PREX2: variants seen among roughly 807,000 people sequenced by gnomAD.
PREX2 encodes the protein phosphatidylinositol-3,4,5-trisphosphate dependent Rac exchange factor 2.
A neutral mutation model predicts 203.2 loss-of-function variants in PREX2; 107 were observed. The observed-to-expected ratio is 0.53, with a 90% CI of 0.45 to 0.62. The LOEUF (loss-of-function observed/expected upper bound fraction) is 0.62, where lower values mean the gene tolerates loss of function less well. PREX2 is among the 20% of genes least tolerant of loss of function. PREX2 has a pLI of 0.00. For synonymous variants in PREX2, 672 were observed against 663.6 expected, an observed-to-expected ratio of 1.01 and a Z score of -0.19; for missense variants, 1,777 against 1,955.9, an observed-to-expected ratio of 0.91 and a Z score of 1.72.
chr8:67,967,548 T>C (rs796555032), intron 1 of PREX2, among the ~76,000 whole-genome samples: 1 of 152,120 alleles, frequency 6.6e-6, no homozygotes, highest in South Asian at 2.1e-4. Context: ...CGCTGTGCAG[T>C]TGGGGCACCA....
intron 35 of PREX2, among the ~76,000 whole-genome samples, chr8:68,182,838 A>G (rs547552340): frequency 5.9e-4 from 90 of 151,854 alleles, no homozygotes; most frequent in Non-Finnish European, 1.1e-3. Context: ...AGTATAATAG[A>G]GCTGGATAAA....
chr8:68,130,105 C>T (rs551756169), intron 31 of PREX2, among the ~76,000 whole-genome samples: 1 of 135,502 alleles, frequency 7.4e-6, no homozygotes, highest in African/African-American at 2.8e-5. Flanking sequence ...TAGTGAGGCC[C>T]TGCCTCTGCA....
intron 34 of PREX2, among the ~76,000 whole-genome samples, chr8:68,153,931 T>A (rs896159093): frequency 3.3e-5 from 5 of 152,258 alleles, no homozygotes; most frequent in African/African-American, 1.2e-4. Context: ...ATTTATGAGA[T>A]TGTAGAAGTA....
In PREX2 at chr8:68,069,832, T is replaced by C. The variant is rs1809142443; in HGVS notation, c.1444-3T>C. On this transcript the variant is annotated splice_region_variant and splice_polypyrimidine_tract_variant and intron_variant, in intron 12 of 39. Coordinates refer to ENST00000288368, the MANE Select transcript of PREX2 (RefSeq NM_024870.4). ...GTTTTTGATATATCTCTATTTTACG[T>C]AGGGTGTAAGATTATATTGTCGTCT... is the stretch of plus-strand genomic sequence containing the variant. 4.7e-6 allele frequency: 7 copies of C among 1,484,406 alleles called. No homozygotes were observed. The highest frequency in any genetic ancestry group is 6.5e-6 in the Non-Finnish European group (7 of 1,079,204). 92.0% of individuals were successfully genotyped at this position (1,484,406 alleles called of 1,614,324 possible). A position where few individuals can be genotyped will look rare whatever the true frequency, so the allele number is the denominator to read the frequency against.
intron 14 of PREX2, among the ~76,000 whole-genome samples, chr8:68,074,835 T>C (rs1809299323): frequency 6.6e-6 from 1 of 152,180 alleles, no homozygotes; most frequent in Non-Finnish European, 1.5e-5. Flanking sequence ...TTGGAGTATA[T>C]TCTAGAGCCT....
chr8:68,146,957 C>T (rs1811340025), intron 34 of PREX2, among the ~76,000 whole-genome samples: 1 of 151,968 alleles, frequency 6.6e-6, no homozygotes. Context: ...TTGTAGTGAG[C>T]TCTGTTTCTG....
At chr8:68,227,423 A>G (rs1813075577) in intron 39 of PREX2, among the ~76,000 whole-genome samples, 2 of 152,030 alleles carry the variant, frequency 1.3e-5, no homozygotes, top group Admixed American at 1.3e-4. Flanking sequence ...CAGGGAGGAG[A>G]TGGGGAGCTC....
chr8:68,212,323 CTGA>C (rs1812756061), intron 37 of PREX2, among the ~76,000 whole-genome samples: 1 of 152,184 alleles, frequency 6.6e-6, no homozygotes, highest in South Asian at 2.1e-4. Flanking sequence ...TCATTCCCAC[CTGA>C]TATTATTCAT....
intron 37 of PREX2, among the ~76,000 whole-genome samples, chr8:68,208,077 AC>A (rs1812670250): frequency 6.6e-6 from 1 of 152,152 alleles, no homozygotes; most frequent in East Asian, 1.9e-4. Flanking sequence ...TAAAAAGGTC[AC>A]CTTCACTATG....
chr8:67,975,993 G>A (rs1453373857), intron 1 of PREX2, among the ~76,000 whole-genome samples: 2 of 151,766 alleles, frequency 1.3e-5, no homozygotes, highest in Admixed American at 1.3e-4. Flanking sequence ...TGGGATTACA[G>A]GCGTGAGTCA....
chr8:68,134,108 G>A lies in PREX2; in HGVS notation c.3816G>A (p.Val1272=), dbSNP rs1276357190. ...ACATGGTTTTCTGCCAGACTCTTGT[G>A]GCCACTGTCTGTGCCTTCTCTGAGC... ...RRDMVFCQTL[V]ATVCAFSEQL... Residue 1272 remains valine, a synonymous_variant, in exon 32 of 40, where the codon GTG becomes GTA. Transcript: ENST00000288368. 1.9e-6 allele frequency: 3 copies of A among 1,614,106 alleles called. No homozygotes were observed. Among genetic ancestry groups the A allele is most frequent in the Non-Finnish European group, 2.5e-6 (3 of 1,179,986 alleles).
chr8:68,125,443 T>A (rs1354397267), intron 30 of PREX2, among the ~76,000 whole-genome samples: 2 of 152,098 alleles, frequency 1.3e-5, no homozygotes, highest in South Asian at 2.1e-4. Flanking sequence ...AATTCTATGA[T>A]CTTTATTTAG....
chr8:68,085,063 T>G (rs1809640302), intron 18 of PREX2, among the ~76,000 whole-genome samples: 1 of 152,148 alleles, frequency 6.6e-6, no homozygotes, highest in Non-Finnish European at 1.5e-5. Flanking sequence ...GAACTCTAGA[T>G]TACAGGTTCA....
intron 22 of PREX2, among the ~76,000 whole-genome samples, chr8:68,097,536 G>T (rs1810122191): frequency 6.6e-6 from 1 of 152,146 alleles, no homozygotes; most frequent in Non-Finnish European, 1.5e-5. Flanking sequence ...TGTTGCCCAG[G>T]CTGGTCTCAA....
intron 1 of PREX2, among the ~76,000 whole-genome samples, chr8:67,958,471 C>G (rs529916792): frequency 6.6e-6 from 1 of 152,268 alleles, no homozygotes; most frequent in Non-Finnish European, 1.5e-5. Context: ...ATACCAATTA[C>G]TTTAATATAA....
At chr8:68,109,777 G>GT (rs1810501143) in intron 25 of PREX2, among the ~76,000 whole-genome samples, 154 bp downstream of exon 25, 4 of 152,002 alleles carry the variant, frequency 2.6e-5, no homozygotes, top group Admixed American at 2.6e-4. Context: ...CCTTAAAAAT[G>GT]TTTTTTAATG....
chr8:67,975,270 C>CTTTTTTT (rs1806043071), intron 1 of PREX2, among the ~76,000 whole-genome samples: 1 of 116,238 alleles, frequency 8.6e-6, no homozygotes, highest in African/African-American at 3.7e-5. Context: ...TGCACACGGC[C>CTTTTTTT]TGTTTTTTTT....
At chr8:68,133,582 A>G (rs1167678409) in intron 31 of PREX2, among the ~76,000 whole-genome samples, 2 of 152,142 alleles carry the variant, frequency 1.3e-5, no homozygotes, top group African/African-American at 4.8e-5. Flanking sequence ...CTTTTTCCCC[A>G]TGTGTATTTC....
At chr8:68,144,146 T>C (rs549112509) in intron 33 of PREX2, among the ~76,000 whole-genome samples, 2 of 152,318 alleles carry the variant, frequency 1.3e-5, no homozygotes, top group South Asian at 2.1e-4. Flanking sequence ...TTTGTTCTTC[T>C]TTTTCTATGT....
Sources: gnomAD v4.1 joint callset for allele counts (sites outside exome capture counted in the v4.1 genomes callset) on GRCh38, gnomAD v4.1.1 for gene constraint, MANE v1.5 for transcripts, NCBI Gene and HGNC (gene_info 2026-07-23, HGNC 2026-07-21) for gene names.